Variants in MPDZ observed in about 807,000 individuals in gnomAD.
The protein encoded by MPDZ is multiple PDZ domain protein.
Under a neutral mutation model 239.1 loss-of-function variants are expected in MPDZ, and 234 were observed. The observed-to-expected ratio is 0.98, with a 90% CI of 0.88 to 1.09. The LOEUF (loss-of-function observed/expected upper bound fraction) is 1.09, where lower values mean the gene tolerates loss of function less well. Ranked by LOEUF, MPDZ falls within the 50% of genes least tolerant of loss-of-function variation. The probability of loss-of-function intolerance (pLI) is 0.00; values close to 1 mark genes in which losing one functional copy is unlikely to be tolerated. For synonymous variants in MPDZ, 1,048 were observed against 881.3 expected, an observed-to-expected ratio of 1.19 and a Z score of -3.35; for missense variants, 3,175 against 2,510.0, an observed-to-expected ratio of 1.26 and a Z score of -5.66.
At chr9:13,133,060 T>C (rs1946243950) in intron 32 of MPDZ, among the ~76,000 whole-genome samples, 2 of 152,194 alleles carry the variant, frequency 1.3e-5, no homozygotes, top group Admixed American at 6.5e-5. Flanking sequence ...TTTAAAAAAA[T>C]CATTCATTAT....
chr9:13,205,791 A>G, intron 11 of MPDZ, 125 bp downstream of exon 11: 1 of 823,712 alleles, frequency 1.2e-6, no homozygotes, highest in African/African-American at 1.7e-5. Context: ...TATAATGAAT[A>G]GTTGAGGGTA....
At chr9:13,278,235 TTATC>T (rs1490084487) in intron 1 of MPDZ, among the ~76,000 whole-genome samples, 1 of 152,128 alleles carries the variant, frequency 6.6e-6, no homozygotes, top group Non-Finnish European at 1.5e-5. Flanking sequence ...CATGGTCCTC[TTATC>T]TATCTGATGA....
At chr9:13,113,879 C>T in intron 41 of MPDZ, 52 bp downstream of exon 41, 1 of 1,372,808 alleles carries the variant, frequency 7.3e-7, no homozygotes, top group Non-Finnish European at 1.0e-6. Flanking sequence ...ACAAAAAAAT[C>T]AGTGTTGACA....
intron 1 of MPDZ, among the ~76,000 whole-genome samples, chr9:13,275,354 G>A (rs1356329334): frequency 1.3e-5 from 2 of 152,208 alleles, no homozygotes. Flanking sequence ...GAGGGCATGT[G>A]AAGAAACAGG....
Position 13,190,249 on chromosome 9 carries a change from T to C in MPDZ, c.2019A>G (p.Pro673=), listed in dbSNP as rs780430923. 1 of 1,611,146 alleles carries C rather than the reference T, an allele frequency of 6.2e-7. No individual in the cohort carries two copies. The highest frequency in any genetic ancestry group is 1.3e-5 in the African/African-American group (1 of 74,864). ...GACCCGCATCAGTCATCGCCAGCACTGGATCCTCTGTCTCTGATGACCCGA... is the reference window on the plus strand; with the variant it reads ...GACCCGCATCAGTCATCGCCAGCACCGGATCCTCTGTCTCTGATGACCCGA... The part of the protein sequence containing the change: ...EFIGSSETED[P]VLAMTDAGQS... Residue 673 remains proline (P), a synonymous_variant, in exon 16 of 47, where the codon CCA becomes CCG. Coordinates refer to ENST00000319217, the MANE Select transcript of MPDZ (RefSeq NM_001378778.1).
intron 32 of MPDZ, among the ~76,000 whole-genome samples, chr9:13,129,713 G>C (rs1052747012): frequency 5.3e-5 from 8 of 151,872 alleles, no homozygotes; most frequent in African/African-American, 1.7e-4. Context: ...ATATTTTTGT[G>C]GGTTTTTTTC....
At position 13,119,564 on chromosome 9, in the gene MPDZ, A is replaced by G. The variant is rs745669701; in HGVS notation, c.5317T>C (p.Leu1773=). 5 of 1,613,828 alleles carry G rather than the reference A, an allele frequency of 3.1e-6. No individual in the cohort carries two copies. The highest frequency in any genetic ancestry group is 1.3e-5 in the African/African-American group (1 of 74,928). ...CGAACGTCTTCCCCATTCACCATTA[A>G]TATCTGGTCTCCCTGCATCAGTCTT... ...DGRLMQGDQI[L]MVNGEDVRNA... is the part of the protein sequence containing the mutation. Residue 1773 remains leucine (L), a synonymous_variant, in exon 39 of 47, where the codon TTA becomes CTA. Coordinates refer to ENST00000319217, the MANE Select transcript of MPDZ (RefSeq NM_001378778.1).
intron 19 of MPDZ, among the ~76,000 whole-genome samples, chr9:13,182,039 T>C (rs939072950): frequency 3.3e-5 from 5 of 152,140 alleles, no homozygotes; most frequent in African/African-American, 1.2e-4. Flanking sequence ...TTTGCAAGGA[T>C]AACAGGTGCA....
chr9:13,117,972 G>A (rs969317556), intron 39 of MPDZ, among the ~76,000 whole-genome samples: 3 of 151,468 alleles, frequency 2.0e-5, no homozygotes, highest in African/African-American at 7.3e-5. Context: ...AGCCTCCTGA[G>A]TAGCTGGGAT....
At chr9:13,206,166 C>T (rs535908180) in intron 10 of MPDZ, 67 bp from the exon 11 acceptor site, 35 of 1,403,382 alleles carry the variant, frequency 2.5e-5, no homozygotes, top group Non-Finnish European at 3.3e-5. Context: ...TACCAATTCA[C>T]AAAATGTGTA....
intron 31 of MPDZ, 74 bp downstream of exon 31, chr9:13,136,018 G>T (rs1946682799): frequency 2.0e-6 from 2 of 995,920 alleles, no homozygotes; most frequent in Admixed American, 4.1e-5. Context: ...TAAGTGTTAT[G>T]TAATTGTTGA....
chr9:13,123,147 G>A lies in MPDZ; in HGVS notation c.4953+6C>T. The A allele has an allele frequency of 5.6e-6, 9 of 1,610,260 alleles. No individual in the cohort carries two copies. Among genetic ancestry groups the A allele is most frequent in the Non-Finnish European group, 7.6e-6 (9 of 1,178,434 alleles). ...CTGTACAGAAGCACCTCTGGGTGGT[G>A]CTCACCAGCAGCGTGTCTGAACCCC... On this transcript the variant is annotated splice_donor_region_variant and intron_variant, in intron 36 of 46. Transcript: ENST00000319217.
chr9:13,178,155 A>T (rs1952763582), intron 19 of MPDZ, among the ~76,000 whole-genome samples: 1 of 151,190 alleles, frequency 6.6e-6, no homozygotes, highest in Non-Finnish European at 1.5e-5. Context: ...GCTACTCAGG[A>T]GGCTGAGGCA....
At chr9:13,263,382 G>A (rs1331678) in intron 1 of MPDZ, among the ~76,000 whole-genome samples, 144,303 of 148,880 alleles carry the variant, frequency 0.97, 70,058 homozygotes, top group East Asian at 1. Context: ...AATCCTCCTT[G>A]TCCTTGTTTG....
At chr9:13,196,496 A>AAT (rs1303862300) in intron 12 of MPDZ, among the ~76,000 whole-genome samples, 3 of 152,172 alleles carry the variant, frequency 2.0e-5, no homozygotes, top group Non-Finnish European at 4.4e-5. Flanking sequence ...ATTTTTATTT[A>AAT]AACGAGTAAG....
rs775924420 is a variant in MPDZ, at chr9:13,126,796, C to T, written c.4465-24G>A. On this transcript the variant is annotated intron_variant, in intron 32 of 46. Transcript: ENST00000319217. ...TCCTAGAAAAGTAAAAACAAAAATG[C>T]TCAGAAGACTTGAAACAGATTAATT... 4.4e-6 allele frequency: 7 copies of T among 1,583,638 alleles called. No homozygotes were observed. The African/African-American group carries it at 9.4e-5, about 21-fold the overall frequency.
intron 19 of MPDZ, among the ~76,000 whole-genome samples, chr9:13,181,688 G>A (rs924172596): frequency 1.3e-5 from 2 of 152,128 alleles, no homozygotes; most frequent in African/African-American, 4.8e-5. Context: ...AACAGACTTC[G>A]GTAAGCCAAT....
chr9:13,279,478 TGCCTC>T lies in MPDZ; in HGVS notation c.-141_-137del, dbSNP rs1010539086. 55 of 148,374 alleles carry T rather than the reference TGCCTC, an allele frequency of 3.7e-4. No individual in the cohort carries two copies. The highest frequency in any genetic ancestry group is 1.3e-3 in the African/African-American group (55 of 40,980). 9.2% of individuals were successfully genotyped at this position (148,374 alleles called of 1,614,324 possible). ...AGCAGGGGTCGCCGGGGCCTCTGGA[TGCCTC>T]GCCTCGCCCACGCTCACTGTCTTCT... is the stretch of plus-strand genomic sequence containing the variant. On this transcript the variant is annotated 5_prime_UTR_variant, in exon 1 of 47. Transcript: ENST00000319217.
chr9:13,205,866 T>G, intron 11 of MPDZ, 50 bp downstream of exon 11: 7 of 1,439,820 alleles, frequency 4.9e-6, no homozygotes, highest in Non-Finnish European at 5.5e-6. Flanking sequence ...TTAAAAAAAA[T>G]TGGAGACAAT....
Sources: gnomAD v4.1 joint callset for allele counts (sites outside exome capture counted in the v4.1 genomes callset) on GRCh38, gnomAD v4.1.1 for gene constraint, MANE v1.5 for transcripts, NCBI Gene and HGNC (gene_info 2026-07-23, HGNC 2026-07-21) for gene names.